The following STAT4 variants were observed in gnomAD, a reference collection of about 807,000 sequenced individuals.
STAT4 encodes the protein signal transducer and activator of transcription 4.
STAT4 carries 42 observed loss-of-function variants against 110.5 expected under a neutral mutation model. The observed-to-expected ratio is 0.38, with a 90% confidence interval of 0.30 to 0.49. The LOEUF (loss-of-function observed/expected upper bound fraction) is 0.49. STAT4 is among the 20% of genes least tolerant of loss of function. STAT4 has a pLI of 0.95. For synonymous variants in STAT4, 284 were observed against 302.2 expected (o/e 0.94, Z 0.63); for missense variants, 632 against 887.9 (o/e 0.71, Z 3.66).
intron 3 of STAT4, 34 bp from the exon 4 acceptor site, chr2:191,076,359 C>A: frequency 1.3e-6 from 2 of 1,484,434 alleles, no homozygotes. Flanking sequence ...AAATAACTAA[C>A]GTAAAGCTTA....
At chr2:191,127,690 T>A (rs1698918479) in intron 3 of STAT4, among the ~76,000 whole-genome samples, 1 of 152,236 alleles carries the variant, frequency 6.6e-6, no homozygotes, top group Non-Finnish European at 1.5e-5. Context: ...GTAAATCATA[T>A]GAGCCCTACT....
rs1380362344 is a variant in STAT4 at position 191,033,621 on chromosome 2, A to ACATACC, written c.1716-1_1720dup (p.Gly572_Tyr573dup). ...CTTCTCTTTGCTAACAAAGCCCATG[A>ACATACC]CATACCTAAAAATAGAACATGCATT... On this transcript the variant is annotated inframe_insertion, in exon 20 of 24. Coordinates refer to ENST00000392320, the MANE Select transcript of STAT4 (RefSeq NM_003151.4). The surrounding 1 kb of genome is among the most constrained non-coding windows in gnomAD (Gnocchi z 6.9). The ACATACC allele has an allele frequency of 6.2e-7, 1 of 1,611,700 alleles. No individual in the cohort carries two copies. Among genetic ancestry groups the ACATACC allele is most frequent in the Non-Finnish European group, 8.5e-7 (1 of 1,179,432 alleles).
chr2:191,041,058 C>A lies in STAT4; in HGVS notation c.1335+7G>T. ...TAGTAAATAGTGTATGTTCTTGAAACACCTACCTCCAAATCTATGGTCAGG... is the reference window on the plus strand; with the variant it reads ...TAGTAAATAGTGTATGTTCTTGAAAAACCTACCTCCAAATCTATGGTCAGG... On this transcript the variant is annotated splice_region_variant and intron_variant, in intron 15 of 23. Coordinates refer to ENST00000392320, the MANE Select transcript of STAT4 (RefSeq NM_003151.4). 7.0e-7 allele frequency: 1 copy of A among 1,434,594 alleles called. No individual in the cohort carries two copies. Among genetic ancestry groups the A allele is most frequent in the Non-Finnish European group, 9.2e-7 (1 of 1,087,692 alleles). The allele number at this position is 1,434,594 out of a possible 1,614,324, so 88.9% of individuals were successfully genotyped here. A position where few individuals can be genotyped will look rare whatever the true frequency, so the allele number is the denominator to read the frequency against.
At chr2:191,056,779 A>ATT (rs34775786) in intron 13 of STAT4, among the ~76,000 whole-genome samples, 988 of 94,488 alleles carry the variant, frequency 0.01, 39 homozygotes, top group African/African-American at 0.03. Context: ...CTTCTACACT[A>ATT]TTTTTTTTTT....
chr2:191,095,099 T>C (rs1388902082), intron 3 of STAT4, among the ~76,000 whole-genome samples: 2 of 152,186 alleles, frequency 1.3e-5, no homozygotes, highest in South Asian at 4.1e-4. Flanking sequence ...CCCAGATTCA[T>C]AAAGCAAGTC....
At position 191,117,448 on chromosome 2, in the gene STAT4, A is replaced by G. The variant is rs1698602197; in HGVS notation, c.273+29165T>C. ...CTTCTTGTCCTAAAATAATACTTCT[A>G]CAACTCCCATTAGACTCTATCTTTA... is the stretch of plus-strand genomic sequence containing the variant. On this transcript the variant is annotated intron_variant, in intron 3 of 23. Coordinates refer to ENST00000392320, the MANE Select transcript of STAT4 (RefSeq NM_003151.4). This position sits in a 1 kb window ranked among gnomAD's most constrained non-coding sequence, Gnocchi z 5.2. 6.6e-6 allele frequency among the ~76,000 whole-genome samples: 1 copy of G among 152,196 alleles called. No homozygotes were observed. Among genetic ancestry groups the G allele is most frequent in the Non-Finnish European group, 1.5e-5 (1 of 68,032 alleles).
intron 3 of STAT4, among the ~76,000 whole-genome samples, chr2:191,096,425 T>A (rs953260238): frequency 6.6e-6 from 1 of 152,178 alleles, no homozygotes; most frequent in Admixed American, 6.5e-5. Flanking sequence ...TCCACCACGA[T>A]CAAGTTGGCT....
intron 3 of STAT4, among the ~76,000 whole-genome samples, chr2:191,106,465 G>A (rs1051166514): frequency 6.6e-6 from 1 of 151,768 alleles, no homozygotes; most frequent in African/African-American, 2.4e-5. Context: ...TTCGAGTCTG[G>A]CCAACATGGT....
chr2:191,103,776 A>T (rs1238070043), intron 3 of STAT4, among the ~76,000 whole-genome samples: 1 of 152,192 alleles, frequency 6.6e-6, no homozygotes, highest in Admixed American at 6.5e-5. Flanking sequence ...GTGGTTTTCT[A>T]TATTTCCCTT....
rs771061948 is a variant in STAT4 at position 191,064,823 on chromosome 2, C to T, written c.766G>A (p.Asp256Asn). The change falls in exon 8 of 24, where the codon GAC (aspartate) becomes AAC (asparagine). Residue 256 changes from aspartate (D) to asparagine (N), a missense_variant. Asp to Asn is a conservative substitution (Grantham distance 23). This residue lies in a region of STAT4 where 488 missense variants were observed against 632.8 expected (regional missense o/e 0.77). Transcript: ENST00000392320. ...CIGGPLHNGLDQLQNCFTLLA... is the reference protein window; with the variant it reads ...CIGGPLHNGLNQLQNCFTLLA... ...TCGTTTTACCAGTTCTGAAGCTGGTCGAGCCCATTGTGGAGTGGACCCCCG... is the reference window on the plus strand; with the variant it reads ...TCGTTTTACCAGTTCTGAAGCTGGTTGAGCCCATTGTGGAGTGGACCCCCG... The T allele has an allele frequency of 1.4e-5, 23 of 1,611,792 alleles. No individual in the cohort carries two copies. The highest frequency in any genetic ancestry group is 1.1e-4 in the African/African-American group (8 of 74,826).
chr2:191,075,354 A>G (rs1000005308), intron 4 of STAT4, among the ~76,000 whole-genome samples: 3 of 152,198 alleles, frequency 2.0e-5, no homozygotes, highest in Non-Finnish European at 4.4e-5. Flanking sequence ...CTCTGAATTC[A>G]TCCAGGAAAA....
chr2:191,094,343 G>T (rs545628214), intron 3 of STAT4, among the ~76,000 whole-genome samples: 2 of 152,168 alleles, frequency 1.3e-5, no homozygotes, highest in Non-Finnish European at 2.9e-5. Context: ...CAGAGAGAAA[G>T]GTTGGGTTAC....
At chr2:191,068,740 A>G (rs1697064659) in intron 6 of STAT4, 1 of 152,192 alleles carries the variant, frequency 6.6e-6, no homozygotes, top group South Asian at 2.1e-4. Context: ...CATAGTAAGC[A>G]CAATGATCAA....
In STAT4 at chr2:191,043,599, C is replaced by A; in HGVS notation, c.1252-2451G>T. Among the ~76,000 whole-genome samples the A allele has an allele frequency of 6.6e-6, 1 of 151,148 alleles. No individual in the cohort carries two copies. Among genetic ancestry groups the A allele is most frequent in the Non-Finnish European group, 1.5e-5 (1 of 67,866 alleles). ...CATCTGCTACCAAATATATATAGGTCAAAGATTTTTTGCACTCATTAAAAA... is the reference window on the plus strand; with the variant it reads ...CATCTGCTACCAAATATATATAGGTAAAAGATTTTTTGCACTCATTAAAAA... On this transcript the variant is annotated intron_variant, in intron 14 of 23. Coordinates refer to ENST00000392320, the MANE Select transcript of STAT4 (RefSeq NM_003151.4). The surrounding 1 kb of genome is among the most constrained non-coding windows in gnomAD (Gnocchi z 4.8).
chr2:191,050,820 C>T lies in STAT4; in HGVS notation c.1251+3670G>A, dbSNP rs1248764284. Among the ~76,000 whole-genome samples, 1 of 152,144 alleles carries T rather than the reference C, an allele frequency of 6.6e-6. No homozygotes were observed. The highest frequency in any genetic ancestry group is 1.5e-5 in the Non-Finnish European group (1 of 68,030). On this transcript the variant is annotated intron_variant, in intron 14 of 23. Coordinates refer to ENST00000392320, the MANE Select transcript of STAT4 (RefSeq NM_003151.4). This position sits in a 1 kb window ranked among gnomAD's most constrained non-coding sequence, Gnocchi z 4.3. ...GTGCAACTTCTTCCTTTCACCCAAT[C>T]CTAAAGCCAGGAGCCCCTGTACGTC...
chr2:191,034,701 G>C, intron 17 of STAT4, 104 bp from the exon 18 acceptor site: 1 of 823,126 alleles, frequency 1.2e-6, no homozygotes, highest in Non-Finnish European at 2.1e-6. Flanking sequence ...CATTTCTTAA[G>C]CACTTGATAT....
At chr2:191,149,647 G>A (rs1253634852) in intron 1 of STAT4, among the ~76,000 whole-genome samples, 4 of 152,134 alleles carry the variant, frequency 2.6e-5, no homozygotes, top group African/African-American at 4.8e-5. Flanking sequence ...ACAACCTGAG[G>A]TTTCCTGAGT....
At position 191,061,844 on chromosome 2, in the gene STAT4, G is replaced by T. The variant is rs529629796; in HGVS notation, c.942-23C>A. 5 of 1,601,640 alleles carry T rather than the reference G, an allele frequency of 3.1e-6. No individual in the cohort carries two copies. Among genetic ancestry groups the T allele is most frequent in the East Asian group, 2.2e-5 (1 of 44,620 alleles). On this transcript the variant is annotated intron_variant, in intron 9 of 23. Transcript: ENST00000392320. This position sits in a 1 kb window ranked among gnomAD's most constrained non-coding sequence, Gnocchi z 6.2. ...GAGCTAGATGAAAAGGAAATAAAGC[G>T]CATCATTTGAAAACACTGAAAATAT... is the stretch of plus-strand genomic sequence containing the variant.
chr2:191,058,807 A>T lies in STAT4; in HGVS notation c.1035-38T>A, dbSNP rs1309932951. 7.5e-7 allele frequency: 1 copy of T among 1,330,974 alleles called. No homozygotes were observed. Among genetic ancestry groups the T allele is most frequent in the East Asian group, 2.4e-5 (1 of 42,426 alleles). The allele number at this position is 1,330,974 out of a possible 1,614,324, so 82.4% of individuals were successfully genotyped here. A position where few individuals can be genotyped will look rare whatever the true frequency, so the allele number is the denominator to read the frequency against. On this transcript the variant is annotated intron_variant, in intron 10 of 23. Coordinates refer to ENST00000392320, the MANE Select transcript of STAT4 (RefSeq NM_003151.4). This position sits in a 1 kb window ranked among gnomAD's most constrained non-coding sequence, Gnocchi z 4.3. ...ATCAATAAAAAAAATCAAAGATAAAAATTAAAAGTGTTTAAAAACCCTTTT... is the reference window on the plus strand; with the variant it reads ...ATCAATAAAAAAAATCAAAGATAAATATTAAAAGTGTTTAAAAACCCTTTT...
Sources: gnomAD v4.1 joint callset for allele counts (sites outside exome capture counted in the v4.1 genomes callset) on GRCh38, gnomAD v4.1.1 for gene constraint, gnomAD v4.1.1 regional missense constraint, Gnocchi (gnomAD v3.1) non-coding constraint, MANE v1.5 for transcripts, NCBI Gene and HGNC (gene_info 2026-07-23, HGNC 2026-07-21) for gene names.